The following IL34 variants were observed in gnomAD, a reference collection of about 807,000 sequenced individuals.
IL34 encodes the protein interleukin-34.
IL34 carries 17 observed loss-of-function variants against 25.3 expected under a neutral mutation model. That is an observed-to-expected ratio of 0.67 (90% confidence interval 0.46 to 1.01). The LOEUF (loss-of-function observed/expected upper bound fraction) is 1.01. Among genes scored for constraint, IL34 ranks in the 50% least tolerant of loss-of-function variants. IL34 has a pLI of 0.00. For missense variants in IL34, 368 were observed against 312.9 expected (o/e 1.18, Z -1.33); for synonymous variants, 174 against 140.9 (o/e 1.23, Z -1.66).
intron 1 of IL34, among the ~76,000 whole-genome samples, chr16:70,618,669 C>A (rs1158891005): frequency 6.6e-6 from 1 of 152,250 alleles, no homozygotes; most frequent in Non-Finnish European, 1.5e-5. Context: ...TCTGACCACG[C>A]TAACCATGCC....
chr16:70,587,016 C>T (rs1394181847), intron 1 of IL34, among the ~76,000 whole-genome samples: 2 of 152,154 alleles, frequency 1.3e-5, no homozygotes, highest in Admixed American at 1.3e-4. Context: ...CTCCTGCCTG[C>T]GTGAGATGGA....
At chr16:70,657,306 G>T in intron 4 of IL34, 185 bp downstream of exon 4, 3 of 618,768 alleles carry the variant, frequency 4.8e-6, no homozygotes, top group Non-Finnish European at 8.3e-6. Flanking sequence ...GGAAGAGGCA[G>T]CCGTGGTGGT....
In IL34 at chr16:70,628,495, T is replaced by G. The variant is rs559326543; in HGVS notation, c.-400-18053T>G. Among the ~76,000 whole-genome samples the G allele has an allele frequency of 4.2e-3, 635 of 149,904 alleles. 4 individuals carry two copies. Among genetic ancestry groups the G allele is most frequent in the African/African-American group, 0.015 (606 of 41,126 alleles). The stretch of plus-strand genomic sequence containing the variant: ...TTTATTTATTTATTTATTTATTTAT[T>G]TTTTTTTTTGAGACAGAGTCTTGCT... On this transcript the variant is annotated intron_variant, in intron 1 of 6. Transcript: ENST00000429149.
At chr16:70,583,702 G>C (rs2151802158) in intron 1 of IL34, among the ~76,000 whole-genome samples, 1 of 151,988 alleles carries the variant, frequency 6.6e-6, no homozygotes, top group African/African-American at 2.4e-5. Flanking sequence ...ACCCAGGCTG[G>C]AGTGCAGTGG....
intron 2 of IL34, among the ~76,000 whole-genome samples, chr16:70,655,058 C>CTT (rs201599880): frequency 0.011 from 1,548 of 145,796 alleles, 33 homozygotes; most frequent in African/African-American, 0.037. Flanking sequence ...CTCTATGTAT[C>CTT]TTTTTTTTTT....
intron 1 of IL34, among the ~76,000 whole-genome samples, chr16:70,581,741 G>A (rs775067754): frequency 2.6e-5 from 4 of 152,088 alleles, no homozygotes; most frequent in Non-Finnish European, 4.4e-5. Context: ...CTTCCACCAC[G>A]TAACTTCATT....
At chr16:70,631,920 T>C (rs1350278634) in intron 1 of IL34, among the ~76,000 whole-genome samples, 4 of 134,406 alleles carry the variant, frequency 3.0e-5, no homozygotes, top group African/African-American at 1.1e-4. Flanking sequence ...CAAAACCCTG[T>C]CTCTACAAAA....
At chr16:70,642,160 G>A (rs114253017), upstream of IL34, among the ~76,000 whole-genome samples, 925 of 152,242 alleles carry the variant, frequency 6.1e-3, 5 homozygotes, top group African/African-American at 0.018. Context: ...TCCGGTGAGG[G>A]CTCTTCCCTT....
At chr16:70,631,202 C>T (rs918264111) in intron 1 of IL34, among the ~76,000 whole-genome samples, 3 of 152,160 alleles carry the variant, frequency 2.0e-5, no homozygotes, top group African/African-American at 7.2e-5. Context: ...TCTTGTGCCC[C>T]CAGCTGGAGA....
chr16:70,584,367 T>C (rs1258964835), intron 1 of IL34, among the ~76,000 whole-genome samples: 2 of 152,216 alleles, frequency 1.3e-5, no homozygotes, highest in African/African-American at 2.4e-5. Context: ...AGCCAGGCTT[T>C]CCCCTTGGCA....
intron 1 of IL34, among the ~76,000 whole-genome samples, chr16:70,650,472 C>T (rs372362009): frequency 2.6e-5 from 4 of 152,134 alleles, no homozygotes; most frequent in South Asian, 2.1e-4. Flanking sequence ...CCACAGCTGC[C>T]GGGTCCCCAG....
At chr16:70,651,145 G>C (rs2052068315) in intron 1 of IL34, among the ~76,000 whole-genome samples, 1 of 152,188 alleles carries the variant, frequency 6.6e-6, no homozygotes, top group Middle Eastern at 3.4e-3. Context: ...AGACCGATGG[G>C]GGCTGATGCA....
intron 1 of IL34, among the ~76,000 whole-genome samples, chr16:70,624,477 G>T (rs1225241205): frequency 1.3e-5 from 2 of 152,102 alleles, no homozygotes; most frequent in Non-Finnish European, 2.9e-5. Context: ...GGAGCACATT[G>T]GGTAATAAAA....
At chr16:70,601,156 A>T (rs1358509060) in intron 1 of IL34, among the ~76,000 whole-genome samples, 1 of 152,064 alleles carries the variant, frequency 6.6e-6, no homozygotes, top group East Asian at 1.9e-4. Context: ...AGGGTGCCCT[A>T]CTGGGCCCAG....
intron 1 of IL34, among the ~76,000 whole-genome samples, chr16:70,620,432 G>A (rs1186907517): frequency 1.5e-5 from 2 of 133,300 alleles, no homozygotes; most frequent in East Asian, 2.2e-4. Flanking sequence ...CCCACCAGGT[G>A]TGAGGAGGGG....
In IL34 at chr16:70,656,638, C is replaced by A; in HGVS notation, c.199C>A (p.Pro67Thr). ...YFPINYKISV[P>T]YEGVFRIANV... is the part of the protein sequence containing the mutation. ...CCCCATCAACTACAAGATCAGTGTG[C>A]CTTACGAGGGGGTGTTCAGAATCGC... Residue 67 changes from proline to threonine, a missense_variant, in exon 3 of 6, where the codon CCT (proline) becomes ACT (threonine). By Grantham distance (38) the Pro-to-Thr change is conservative (BLOSUM62 -1). Transcript: ENST00000288098. 6.8e-7 allele frequency: 1 copy of A among 1,464,108 alleles called. No individual in the cohort carries two copies. The allele number at this position is 1,464,108 out of a possible 1,614,324, so 90.7% of individuals were successfully genotyped here.
At chr16:70,638,106 T>TG (rs2051696900) in intron 1 of IL34, among the ~76,000 whole-genome samples, 1 of 152,230 alleles carries the variant, frequency 6.6e-6, no homozygotes, top group Admixed American at 6.5e-5. Context: ...AGTGGACCCA[T>TG]GCACTCTGCC....
intron 1 of IL34, among the ~76,000 whole-genome samples, chr16:70,618,667 C>T (rs899910530): frequency 1.4e-4 from 21 of 152,090 alleles, no homozygotes; most frequent in African/African-American, 3.6e-4. Context: ...ATTCTGACCA[C>T]GCTAACCATG....
intron 1 of IL34, among the ~76,000 whole-genome samples, chr16:70,605,894 C>T (rs2050995545): frequency 6.6e-6 from 1 of 151,044 alleles, no homozygotes; most frequent in South Asian, 2.1e-4. Flanking sequence ...CTGGTCTCAA[C>T]CTCCTGACCT....
Sources: allele counts gnomAD v4.1 joint callset (sites outside exome capture counted in the v4.1 genomes callset), GRCh38; gene constraint gnomAD v4.1.1; transcripts MANE v1.5; gene names NCBI Gene and HGNC (gene_info 2026-07-23, HGNC 2026-07-21).